Variants in RADX observed in about 807,000 individuals in gnomAD.
RADX encodes RPA-related protein RADX.
A neutral mutation model predicts 61.6 loss-of-function variants in RADX; 36 were observed. The observed-to-expected ratio is 0.58, with a 90% CI of 0.45 to 0.77. The LOEUF is 0.77. RADX is among the 30% of genes least tolerant of loss of function. RADX has a pLI of 0.00. For missense variants in RADX, 497 were observed against 651.1 expected (o/e 0.76, Z 2.58); for synonymous variants, 272 against 237.9 (o/e 1.14, Z -1.32).
intron 12 of RADX, among the ~76,000 whole-genome samples, chrX:106,665,113 T>G (rs982152499): frequency 4.5e-5 from 5 of 111,929 alleles, no homozygotes; most frequent in Non-Finnish European, 7.5e-5. Context: ...GACAAATGGT[T>G]CATATATATT....
chrX:106,635,988 T>C (rs1458261053), intron 6 of RADX, among the ~76,000 whole-genome samples: 3 of 112,107 alleles, frequency 2.7e-5, no homozygotes. Context: ...CCTTAAAATC[T>C]AATTAAGATA....
intron 10 of RADX, among the ~76,000 whole-genome samples, chrX:106,641,683 G>A (rs1927518018): frequency 9.0e-6 from 1 of 111,140 alleles, no homozygotes; most frequent in Non-Finnish European, 1.9e-5. Context: ...CACTGGGGTA[G>A]CATCCCCACT....
In RADX at chrX:106,639,516, C is replaced by CT; in HGVS notation, c.1574-5dup. Reference sequence around the variant, plus strand: ...CTTTAAAACTTACAATTTTCTTGGACTTTTTTGCAGTTGAGTCGCTCTTGA... The same window carrying CT: ...CTTTAAAACTTACAATTTTCTTGGACTTTTTTTGCAGTTGAGTCGCTCTTGA... On this transcript the variant is annotated splice_polypyrimidine_tract_variant and intron_variant, in intron 8 of 13. Transcript: ENST00000372548. The CT allele has an allele frequency of 8.6e-7, 1 of 1,159,619 alleles. No homozygotes were observed. The highest frequency in any genetic ancestry group is 1.1e-6 in the Non-Finnish European group (1 of 869,706).
chrX:106,637,244 G>A (rs953754643), intron 7 of RADX, among the ~76,000 whole-genome samples: 2 of 111,333 alleles, frequency 1.8e-5, no homozygotes, highest in Admixed American at 9.6e-5. Context: ...TAAAAGAAGG[G>A]TCCTAGGAAA....
chrX:106,620,986 C>G (rs1017229800), intron 1 of RADX, among the ~76,000 whole-genome samples: 1 of 111,799 alleles, frequency 8.9e-6, no homozygotes, highest in Non-Finnish European at 1.9e-5. Context: ...AGCTAACTCT[C>G]TGGACCTAAT....
At chrX:106,652,318 A>C (rs926852893) in intron 11 of RADX, among the ~76,000 whole-genome samples, 1 of 110,811 alleles carries the variant, frequency 9.0e-6, no homozygotes, top group Non-Finnish European at 1.9e-5. Context: ...AGTGAGAACC[A>C]ATCTCAAAAG....
intron 12 of RADX, 124 bp downstream of exon 12, chrX:106,662,429 C>A: frequency 1.7e-6 from 1 of 584,835 alleles, no homozygotes; most frequent in Non-Finnish European, 2.6e-6. Context: ...TTTTGTTTGG[C>A]TCCAACAAAA....
At chrX:106,663,747 C>T (rs940151845) in intron 12 of RADX, among the ~76,000 whole-genome samples, 1 of 111,365 alleles carries the variant, frequency 9.0e-6, no homozygotes, top group African/African-American at 3.3e-5. Flanking sequence ...TAAATATATA[C>T]ACTTATATAC....
chrX:106,665,387 G>C (rs1299136559), intron 12 of RADX, among the ~76,000 whole-genome samples: 1 of 111,716 alleles, frequency 9.0e-6, no homozygotes, highest in Non-Finnish European at 1.9e-5. Context: ...ATGGCTGTTT[G>C]AAAAAAACTT....
At position 106,612,189 on chromosome X, in the gene RADX, G is replaced by A; in HGVS notation, c.109G>A (p.Ala37Thr). 1 of 1,211,898 alleles carries A rather than the reference G, an allele frequency of 8.3e-7. No individual in the cohort carries two copies. Among genetic ancestry groups the A allele is most frequent in the Non-Finnish European group, 1.1e-6 (1 of 895,509 alleles). ...GGTCCCGGGAGGGGTGATCCGAAGA[G>A]CTGGTTCCCAAGGGCCCAGGTCCTG... ...AGVPGGVIRR[A>T]GSQGPRSWIQ... The change falls in exon 1 of 14, where the codon GCT becomes ACT. Residue 37 changes from alanine (A) to threonine (T), a missense_variant. Ala to Thr is a moderately conservative substitution (Grantham distance 58, BLOSUM62 0). Around this residue, in one of 3 missense-constraint regions of RADX, gnomAD observed 34 missense variants for 29.1 expected, o/e 1.17. Transcript: ENST00000372548.
intron 13 of RADX, among the ~76,000 whole-genome samples, chrX:106,677,133 T>C (rs1449527952): frequency 8.9e-6 from 1 of 111,901 alleles, no homozygotes; most frequent in African/African-American, 3.3e-5. Context: ...AAGTAAACCC[T>C]TGCATCTTCC....
chrX:106,632,755 T>C, intron 4 of RADX, 22 bp downstream of exon 4: 1 of 1,051,685 alleles, frequency 9.5e-7, no homozygotes, highest in Non-Finnish European at 1.3e-6. Context: ...TCTTGTAAAA[T>C]GTCTTAAATA....
chrX:106,619,002 T>C (rs904447942), intron 1 of RADX, among the ~76,000 whole-genome samples: 5 of 111,667 alleles, frequency 4.5e-5, no homozygotes, highest in African/African-American at 1.3e-4. Flanking sequence ...GTTCTTGAAA[T>C]TCTACTTTAT....
chrX:106,658,670 A>G (rs1928008495), intron 11 of RADX, among the ~76,000 whole-genome samples: 1 of 112,336 alleles, frequency 8.9e-6, no homozygotes, highest in Non-Finnish European at 1.9e-5. Context: ...ATGTGTCAAC[A>G]TGGTCACTAA....
In RADX at chrX:106,657,894, G is replaced by A. The variant is rs981724109; in HGVS notation, c.1979-4121G>A. On this transcript the variant is annotated intron_variant, in intron 11 of 13. Transcript: ENST00000372548. ...ATTGTGATAATTACCAAAACGTGAC[G>A]CAGAGACACAAAATGAACATATGCT... 2.2e-4 allele frequency among the ~76,000 whole-genome samples: 25 copies of A among 111,496 alleles called. No homozygotes were observed. The South Asian group carries it at 6.0e-3, about 27-fold the overall frequency.
intron 3 of RADX, among the ~76,000 whole-genome samples, chrX:106,632,106 A>C (rs1927249075): frequency 8.9e-6 from 1 of 111,925 alleles, no homozygotes; most frequent in Admixed American, 9.5e-5. Flanking sequence ...AAACAACCCT[A>C]TGTATAATAG....
chrX:106,652,083 C>A (rs1187800352), intron 11 of RADX, among the ~76,000 whole-genome samples: 1 of 110,360 alleles, frequency 9.1e-6, no homozygotes, highest in East Asian at 2.8e-4. Context: ...TCAACAATTT[C>A]AATAAATGTA....
chrX:106,645,311 C>T (rs949714403), intron 10 of RADX, among the ~76,000 whole-genome samples: 7 of 110,741 alleles, frequency 6.3e-5, no homozygotes, highest in Non-Finnish European at 1.3e-4. Context: ...TTGTTTTGCT[C>T]TTGCCTTTCT....
rs1234528810 is a variant in RADX, at chrX:106,639,527, T to G, written c.1574T>G (p.Val525Gly). ...ACAATTTTCTTGGACTTTTTTGCAG[T>G]TGAGTCGCTCTTGACAGCTATAAGT... ...TFSKYSSSIK[V>G]ESLLTAISEV... Residue 525 changes from valine (V) to glycine (G), a missense_variant and splice_region_variant, in exon 9 of 14, where the codon GTT (valine) becomes GGT (glycine). Val to Gly is a moderately radical substitution (Grantham distance 109). This residue lies in a region of RADX where 267 missense variants were observed against 306.9 expected (regional missense o/e 0.87). Transcript: ENST00000372548. The G allele has an allele frequency of 8.5e-7, 1 of 1,171,906 alleles. No individual in the cohort carries two copies. Among genetic ancestry groups the G allele is most frequent in the Non-Finnish European group, 1.1e-6 (1 of 877,329 alleles).
Sources: gnomAD v4.1 joint callset for allele counts (sites outside exome capture counted in the v4.1 genomes callset) on GRCh38, gnomAD v4.1.1 for gene constraint, gnomAD v4.1.1 regional missense constraint, MANE v1.5 for transcripts, NCBI Gene and HGNC (gene_info 2026-07-23, HGNC 2026-07-21) for gene names.